AQP9: variants seen among roughly 807,000 people sequenced by gnomAD.
AQP9 encodes aquaporin-9.
In AQP9, 19 loss-of-function variants were observed where a neutral mutation model predicts 23.8. The observed-to-expected ratio is 0.80, with a 90% CI of 0.56 to 1.17. AQP9 has a LOEUF of 1.17. Ranked by LOEUF, AQP9 falls within the 50% of genes most tolerant of loss-of-function variation. The probability of loss-of-function intolerance (pLI) is 0.00; values close to 1 mark genes in which losing one functional copy is unlikely to be tolerated. For synonymous variants in AQP9, 153 were observed against 131.5 expected, an observed-to-expected ratio of 1.16 and a Z score of -1.12; for missense variants, 413 against 362.0, an observed-to-expected ratio of 1.14 and a Z score of -1.14.
intron 1 of AQP9, among the ~76,000 whole-genome samples, chr15:58,144,711 A>C (rs753251972): frequency 1.8e-4 from 27 of 152,104 alleles, no homozygotes; most frequent in Non-Finnish European, 3.4e-4. Flanking sequence ...GACAAGAAAA[A>C]TTTCTTTAAA....
chr15:58,179,096 C>T (rs1566991074), intron 4 of AQP9, 32 bp from the exon 5 acceptor site: 1 of 1,513,278 alleles, frequency 6.6e-7, no homozygotes, highest in Non-Finnish European at 9.2e-7. Context: ...AGAATGCAGG[C>T]TAAAGCCCTG....
intron 5 of AQP9, 149 bp downstream of exon 5, chr15:58,179,494 G>A: frequency 1.6e-6 from 1 of 607,500 alleles, no homozygotes; most frequent in South Asian, 1.9e-5. Flanking sequence ...CATTTCACTG[G>A]TATTTTGTGG....
chr15:58,164,337 C>A (rs995910271), intron 1 of AQP9, among the ~76,000 whole-genome samples: 8 of 152,180 alleles, frequency 5.3e-5, no homozygotes, highest in Admixed American at 2.6e-4. Context: ...CTCTCTTTTG[C>A]GTCTCTTCTT....
At chr15:58,161,438 A>C in intron 1 of AQP9, among the ~76,000 whole-genome samples, 1 of 152,208 alleles carries the variant, frequency 6.6e-6, no homozygotes, top group Admixed American at 6.5e-5. Flanking sequence ...GCTTTCCTAC[A>C]AAAAGCACTA....
At chr15:58,172,983 T>G in intron 2 of AQP9, 85 bp from the exon 3 acceptor site, 1 of 1,554,994 alleles carries the variant, frequency 6.4e-7, no homozygotes, top group Non-Finnish European at 8.8e-7. Context: ...CCTAGAAGAC[T>G]GAATTCCACC....
In AQP9 at chr15:58,175,053, C is replaced by A; in HGVS notation, c.495+17C>A. 11 of 1,587,316 alleles carry A rather than the reference C, an allele frequency of 6.9e-6. No individual in the cohort carries two copies. The highest frequency in any genetic ancestry group is 1.7e-5 in the Admixed American group (1 of 59,970). Reference sequence around the variant, plus strand: ...GCAGATCAAGTAAGTGTAGATTCAACAAAGACTTAACTTTGGTGAAAAGAT... The same window carrying A: ...GCAGATCAAGTAAGTGTAGATTCAAAAAAGACTTAACTTTGGTGAAAAGAT... On this transcript the variant is annotated intron_variant, in intron 4 of 5. Transcript: ENST00000219919.
chr15:58,163,673 G>T (rs1228268535), intron 1 of AQP9, among the ~76,000 whole-genome samples: 3 of 152,098 alleles, frequency 2.0e-5, no homozygotes, highest in Non-Finnish European at 4.4e-5. Flanking sequence ...TATGATAACG[G>T]GCTGTTTTTG....
At chr15:58,147,885 C>CACATGCACACACACACACACACATAT (rs1898077092) in intron 1 of AQP9, among the ~76,000 whole-genome samples, 2 of 140,950 alleles carry the variant, frequency 1.4e-5, no homozygotes, top group East Asian at 2.2e-4. Flanking sequence ...CCTGTATAAA[C>CACATGCACACACACACACACACATAT]ACATGCACAC....
chr15:58,179,394 A>G, intron 5 of AQP9, 49 bp downstream of exon 5: 1 of 1,528,378 alleles, frequency 6.5e-7, no homozygotes, highest in Non-Finnish European at 8.9e-7. Flanking sequence ...GCTGCGCCTC[A>G]CCAGTGGGGC....
At chr15:58,139,538 T>A (rs1030380563) in intron 1 of AQP9, among the ~76,000 whole-genome samples, 9 of 152,234 alleles carry the variant, frequency 5.9e-5, no homozygotes, top group South Asian at 4.1e-4. Context: ...TGGTTTTTTT[T>A]ATCCTGCTTA....
intron 1 of AQP9, chr15:58,146,996 C>T (rs1256055697): frequency 2.0e-5 from 3 of 152,176 alleles, no homozygotes; most frequent in African/African-American, 7.2e-5. Flanking sequence ...CAGACTTCCC[C>T]CTATCAGCAA....
chr15:58,185,676 A>G lies in AQP9; in HGVS notation c.*1541A>G, dbSNP rs1457706767. The G allele has an allele frequency of 3.9e-5, 6 of 152,218 alleles. No homozygotes were observed. Among genetic ancestry groups the G allele is most frequent in the Non-Finnish European group, 8.8e-5 (6 of 68,040 alleles). 9.4% of individuals were successfully genotyped at this position (152,218 alleles called of 1,614,324 possible). ...AGATCGCCTATGAGTTACAAGCACC[A>G]GGGGATGCTCTACATCAAGGGATGC... On this transcript the variant is annotated 3_prime_UTR_variant, in exon 6 of 6. Transcript: ENST00000219919.
At position 58,184,205 on chromosome 15, in the gene AQP9, T is replaced by C. The variant is rs755726979; in HGVS notation, c.*70T>C. ...CAGAAAGATGGCATCTAAGTGTCTG[T>C]GTTCTTGTAAGCCTGAGGTGGAATC... On this transcript the variant is annotated 3_prime_UTR_variant, in exon 6 of 6. Coordinates refer to ENST00000219919, the MANE Select transcript of AQP9 (RefSeq NM_020980.5). The C allele has an allele frequency of 8.5e-6, 13 of 1,523,952 alleles. No individual in the cohort carries two copies. The highest frequency in any genetic ancestry group is 7.2e-5 in the Admixed American group (4 of 55,246). The allele number at this position is 1,523,952 out of a possible 1,614,324, so 94.4% of individuals were successfully genotyped here. A position where few individuals can be genotyped will look rare whatever the true frequency, so the allele number is the denominator to read the frequency against.
rs113124277 is a variant in AQP9 at position 58,158,266 on chromosome 15, T to C, written c.112-8407T>C. ...GATTTCCATGGATTCTTGGGGGCAT[T>C]GGTTGCATCTGATGACCTCTTGTTC... On this transcript the variant is annotated intron_variant, in intron 1 of 5. Coordinates refer to ENST00000219919, the MANE Select transcript of AQP9 (RefSeq NM_020980.5). 7.0e-3 allele frequency among the ~76,000 whole-genome samples: 1,069 copies of C among 152,266 alleles called. 19 individuals carry two copies. The highest frequency in any genetic ancestry group is 0.025 in the African/African-American group (1,026 of 41,550).
chr15:58,155,918 C>A (rs150682569), intron 1 of AQP9: 3 of 152,160 alleles, frequency 2.0e-5, no homozygotes, highest in Non-Finnish European at 4.4e-5. Context: ...ATTCCGTCCA[C>A]TAGTCTCACA....
At chr15:58,183,228 G>C (rs1427336676) in intron 5 of AQP9, among the ~76,000 whole-genome samples, 1 of 152,126 alleles carries the variant, frequency 6.6e-6, no homozygotes, top group African/African-American at 2.4e-5. Flanking sequence ...ACAATATACT[G>C]TATAATTTGT....
chr15:58,142,153 T>A (rs763322588), intron 1 of AQP9, among the ~76,000 whole-genome samples: 39 of 152,174 alleles, frequency 2.6e-4, no homozygotes, highest in Non-Finnish European at 7.4e-5. Context: ...TCCACTGTGC[T>A]CTTCCCTTGA....
intron 1 of AQP9, among the ~76,000 whole-genome samples, chr15:58,140,386 T>C (rs1299642876): frequency 1.3e-5 from 2 of 152,214 alleles, no homozygotes; most frequent in South Asian, 2.1e-4. Context: ...TGATATTGTC[T>C]GTTGAAAAAT....
chr15:58,171,421 A>G (rs961535165), intron 2 of AQP9, among the ~76,000 whole-genome samples: 1 of 152,034 alleles, frequency 6.6e-6, no homozygotes, highest in Admixed American at 6.5e-5. Context: ...GGCTACCTCC[A>G]GGCAGCTGGA....
Sources: gnomAD v4.1 joint callset for allele counts (sites outside exome capture counted in the v4.1 genomes callset) on GRCh38, gnomAD v4.1.1 for gene constraint, MANE v1.5 for transcripts, NCBI Gene and HGNC (gene_info 2026-07-23, HGNC 2026-07-21) for gene names.